FCHSD2: variants seen among roughly 807,000 people sequenced by gnomAD.
FCHSD2 encodes F-BAR and double SH3 domains protein 2.
In FCHSD2, 38 loss-of-function variants were observed where a neutral mutation model predicts 108.1. The observed-to-expected ratio is 0.35, with a 90% CI of 0.27 to 0.46. The LOEUF is 0.46. FCHSD2 is among the 20% of genes least tolerant of loss of function. The probability of loss-of-function intolerance (pLI) is 1.00; values close to 1 mark genes in which losing one functional copy is unlikely to be tolerated. For missense variants in FCHSD2, 751 were observed against 897.8 expected, an observed-to-expected ratio of 0.84 and a Z score of 2.09; for synonymous variants, 279 against 314.7, an observed-to-expected ratio of 0.89 and a Z score of 1.20.
At chr11:72,854,509 G>T (rs1270970354) in intron 13 of FCHSD2, among the ~76,000 whole-genome samples, 1 of 152,204 alleles carries the variant, frequency 6.6e-6, no homozygotes, top group Non-Finnish European at 1.5e-5. Flanking sequence ...ATAGCTCATT[G>T]CAGCTTTGAA....
intron 13 of FCHSD2, among the ~76,000 whole-genome samples, chr11:72,857,526 C>T (rs567271702): frequency 6.8e-6 from 1 of 146,534 alleles, no homozygotes; most frequent in Non-Finnish European, 1.5e-5. Flanking sequence ...GCAACCTCTG[C>T]CTCTTGGGTT....
chr11:72,939,849 C>A (rs2135339843), intron 8 of FCHSD2, among the ~76,000 whole-genome samples: 1 of 151,828 alleles, frequency 6.6e-6, no homozygotes, highest in East Asian at 1.9e-4. Context: ...GAACTCCTGA[C>A]CTCAAGTGAT....
chr11:72,900,390 A>C, intron 10 of FCHSD2: 1 of 1,090,088 alleles, frequency 9.2e-7, no homozygotes, highest in Non-Finnish European at 1.4e-6. Flanking sequence ...TTTAAGGCAA[A>C]CAAGGACACA....
At chr11:73,080,296 C>CAAAAAAAAAAAA (rs370633105) in intron 3 of FCHSD2, among the ~76,000 whole-genome samples, 5 of 52,264 alleles carry the variant, frequency 9.6e-5, no homozygotes, top group Non-Finnish European at 1.3e-4. Context: ...GACCCTGTCT[C>CAAAAAAAAAAAA]AAAAAAAAAA....
Position 72,838,999 on chromosome 11 carries a change from A to G in FCHSD2, c.2140-125T>C. 10 of 739,306 alleles carry G rather than the reference A, an allele frequency of 1.4e-5. 1 individual carries two copies. In the South Asian group the frequency reaches 1.7e-4, roughly 12 times the overall value. The allele number at this position is 739,306 out of a possible 1,614,324, so 45.8% of individuals were successfully genotyped here. ...CCCTAGGGGTCTCAGAAATGTTGTGAGCACGTGCTTTCAACCTAGTCTTCA... is the reference window on the plus strand; with the variant it reads ...CCCTAGGGGTCTCAGAAATGTTGTGGGCACGTGCTTTCAACCTAGTCTTCA... On this transcript the variant is annotated intron_variant, in intron 19 of 19. Transcript: ENST00000409418.
chr11:73,123,568 T>C (rs7948749), intron 2 of FCHSD2, among the ~76,000 whole-genome samples: 1 of 152,334 alleles, frequency 6.6e-6, no homozygotes, highest in Non-Finnish European at 1.5e-5. Flanking sequence ...TTGGCATCTA[T>C]ATTTGAATAA....
chr11:73,134,708 T>A (rs993457019), intron 2 of FCHSD2, among the ~76,000 whole-genome samples: 4 of 152,254 alleles, frequency 2.6e-5, no homozygotes, highest in African/African-American at 9.6e-5. Context: ...TTTTTAAGTG[T>A]CTTTGACTTT....
At chr11:73,027,012 C>T (rs1241155543) in intron 3 of FCHSD2, among the ~76,000 whole-genome samples, 1 of 152,030 alleles carries the variant, frequency 6.6e-6, no homozygotes, top group Non-Finnish European at 1.5e-5. Context: ...TTCTTTATAG[C>T]AGTGTGGAAA....
intron 12 of FCHSD2, among the ~76,000 whole-genome samples, chr11:72,884,989 T>G (rs913181413): frequency 6.6e-6 from 1 of 152,168 alleles, no homozygotes; most frequent in Non-Finnish European, 1.5e-5. Context: ...CTCTTTTGTA[T>G]AGGTATTTAT....
At chr11:72,854,854 T>C (rs369032350) in intron 13 of FCHSD2, among the ~76,000 whole-genome samples, 4 of 152,260 alleles carry the variant, frequency 2.6e-5, no homozygotes, top group Non-Finnish European at 2.9e-5. Context: ...ATACTAGAAA[T>C]GGGCCAGGCA....
At chr11:73,139,845 C>T (rs1399088282) in intron 2 of FCHSD2, among the ~76,000 whole-genome samples, 186 bp downstream of exon 2, 2 of 152,108 alleles carry the variant, frequency 1.3e-5, no homozygotes, top group Non-Finnish European at 2.9e-5. Context: ...TTATAGGTCC[C>T]CCACTGAAGG....
At chr11:73,141,633 G>T (rs915019217) in intron 1 of FCHSD2, among the ~76,000 whole-genome samples, 3 of 152,164 alleles carry the variant, frequency 2.0e-5, no homozygotes, top group African/African-American at 7.2e-5. Flanking sequence ...GAAATGTCTG[G>T]GGGTCTCCTG....
intron 8 of FCHSD2, among the ~76,000 whole-genome samples, chr11:72,926,371 G>C (rs1159683139): frequency 6.6e-6 from 1 of 152,176 alleles, no homozygotes; most frequent in Non-Finnish European, 1.5e-5. Context: ...ATAGGGTAGA[G>C]AGAGGATGGC....
At chr11:72,849,947 C>A in intron 13 of FCHSD2, 58 bp from the exon 14 acceptor site, 1 of 1,394,190 alleles carries the variant, frequency 7.2e-7, no homozygotes. Context: ...TGGTTGAAAG[C>A]CGGAAAAACA....
chr11:72,879,906 G>A (rs369020177), intron 12 of FCHSD2, among the ~76,000 whole-genome samples: 43 of 148,700 alleles, frequency 2.9e-4, no homozygotes, highest in African/African-American at 5.5e-4. Flanking sequence ...GACTGAGGCC[G>A]AACAATCGGT....
chr11:73,023,100 T>C (rs1247212643), intron 3 of FCHSD2, among the ~76,000 whole-genome samples: 2 of 152,130 alleles, frequency 1.3e-5, no homozygotes, highest in South Asian at 2.1e-4. Context: ...ATGAAACATT[T>C]AGAAGAACAG....
intron 2 of FCHSD2, among the ~76,000 whole-genome samples, chr11:73,087,884 C>T (rs980693107): frequency 6.6e-6 from 1 of 152,102 alleles, no homozygotes; most frequent in Non-Finnish European, 1.5e-5. Flanking sequence ...GTGCCCTACA[C>T]AGTAATACCA....
chr11:72,839,520 G>A (rs1368402398), intron 19 of FCHSD2, among the ~76,000 whole-genome samples: 8 of 152,150 alleles, frequency 5.3e-5, no homozygotes, highest in Admixed American at 3.9e-4. Flanking sequence ...ACTGGCAGTA[G>A]GGGAAGTAGA....
chr11:73,010,556 C>T (rs1234881728), intron 4 of FCHSD2, among the ~76,000 whole-genome samples: 1 of 152,192 alleles, frequency 6.6e-6, no homozygotes, highest in Non-Finnish European at 1.5e-5. Context: ...GAATGTTTTC[C>T]TGAAGATAGA....
Sources: gnomAD v4.1 joint callset for allele counts (sites outside exome capture counted in the v4.1 genomes callset) on GRCh38, gnomAD v4.1.1 for gene constraint, MANE v1.5 for transcripts, NCBI Gene and HGNC (gene_info 2026-07-23, HGNC 2026-07-21) for gene names.